The following TF variants were observed in gnomAD, a reference collection of about 807,000 sequenced individuals.
The protein encoded by TF is transferrin, also known as serotransferrin.
TF carries 55 observed loss-of-function variants against 82.4 expected under a neutral mutation model. The observed-to-expected ratio is 0.67, with a 90% CI of 0.54 to 0.84. The LOEUF (loss-of-function observed/expected upper bound fraction) is 0.84, where lower values mean the gene tolerates loss of function less well. Ranked by LOEUF, TF falls within the 40% of genes least tolerant of loss-of-function variation. TF has a pLI of 0.00. For missense variants in TF, 737 were observed against 868.4 expected, an observed-to-expected ratio of 0.85 and a Z score of 1.90; for synonymous variants, 332 against 332.6, an observed-to-expected ratio of 1.00 and a Z score of 0.02.
At chr3:133,746,618 C>T in intron 1 of TF, 135 bp downstream of exon 1, 1 of 958,274 alleles carries the variant, frequency 1.0e-6, no homozygotes, top group South Asian at 1.5e-5. Context: ...TTTCCATTGC[C>T]TCTCTACGCC....
the TF span, among the ~76,000 whole-genome samples, chr3:133,714,448 A>G: frequency 6.6e-6 from 1 of 152,134 alleles, no homozygotes; most frequent in Non-Finnish European, 1.5e-5. Context: ...TAAGCCATGC[A>G]TAAATTACAT....
intron 14 of TF, chr3:133,770,865 A>G: frequency 2.1e-6 from 1 of 486,666 alleles, no homozygotes; most frequent in Non-Finnish European, 3.7e-6. Flanking sequence ...GAATAAGACA[A>G]TCTCTTGCAT....
the TF span, among the ~76,000 whole-genome samples, chr3:133,673,713 CTTTG>C: frequency 0.14 from 20,874 of 152,006 alleles, 1,732 homozygotes; most frequent in Non-Finnish European, 0.2. Flanking sequence ...GTTGTGCCAG[CTTTG>C]TTTGTTAACG....
chr3:133,733,307 A>G, the TF span, among the ~76,000 whole-genome samples: 5 of 152,172 alleles, frequency 3.3e-5, no homozygotes, highest in African/African-American at 4.8e-5. Context: ...GCTGTGACAC[A>G]GGCTGCCTAT....
At chr3:133,772,062 CT>C (rs1040856012) in intron 14 of TF, among the ~76,000 whole-genome samples, 12 of 152,162 alleles carry the variant, frequency 7.9e-5, no homozygotes, top group African/African-American at 2.9e-4. Flanking sequence ...TACAAGAAGA[CT>C]CCTCTGTTCA....
At chr3:133,753,810 C>T in intron 3 of TF, 107 bp downstream of exon 3, 2 of 913,876 alleles carry the variant, frequency 2.2e-6, no homozygotes, top group Non-Finnish European at 3.6e-6. Flanking sequence ...GAACATTCAT[C>T]TTTGGAGAGT....
chr3:133,699,241 T>C, the TF span, among the ~76,000 whole-genome samples: 2 of 152,234 alleles, frequency 1.3e-5, no homozygotes, highest in Non-Finnish European at 2.9e-5. Context: ...TGCCCAGCCC[T>C]GTGTCTACCT....
intron 14 of TF, chr3:133,774,575 A>G (rs1024051065): frequency 6.6e-6 from 1 of 152,668 alleles, no homozygotes; most frequent in Non-Finnish European, 1.5e-5. Context: ...ACATATAATG[A>G]GCCGTGGATG....
the TF span, among the ~76,000 whole-genome samples, chr3:133,680,879 C>A: frequency 6.6e-6 from 1 of 152,114 alleles, no homozygotes; most frequent in Non-Finnish European, 1.5e-5. Flanking sequence ...TTATTTAATT[C>A]CCTGACAGTT....
chr3:133,662,436 C>G, the TF span: 1 of 152,274 alleles, frequency 6.6e-6, no homozygotes, highest in Non-Finnish European at 1.5e-5. Flanking sequence ...CCCTCCAACA[C>G]AGCAGGAATA....
chr3:133,687,241 T>C, the TF span, among the ~76,000 whole-genome samples: 2 of 152,182 alleles, frequency 1.3e-5, no homozygotes, highest in South Asian at 2.1e-4. Flanking sequence ...ATATACCTAA[T>C]GTAAATGATG....
intron 6 of TF, 134 bp from the exon 7 acceptor site, chr3:133,756,697 C>T (rs1251460757): frequency 1.9e-5 from 21 of 1,123,778 alleles, no homozygotes; most frequent in Admixed American, 1.1e-4. Flanking sequence ...GTCATTCTCC[C>T]GCATGTTCTC....
rs894892572 is a variant in TF, at chr3:133,787,230, C to T, written c.*8610C>T. On this transcript the variant is annotated 3_prime_UTR_variant, in exon 17 of 17. Transcript: ENST00000402696. ...GACAAAGTATCTAGTAAAATTAGCA[C>T]ATTTTGCACACTTTGTATTGAAATT... 1 of 152,126 alleles carries T rather than the reference C, an allele frequency of 6.6e-6. No homozygotes were observed. Among genetic ancestry groups the T allele is most frequent in the Non-Finnish European group, 1.5e-5 (1 of 68,024 alleles). 9.4% of individuals were successfully genotyped at this position (152,126 alleles called of 1,614,324 possible).
chr3:133,748,749 A>C, intron 2 of TF, 165 bp downstream of exon 2: 1 of 905,028 alleles, frequency 1.1e-6, no homozygotes, highest in Non-Finnish European at 1.8e-6. Context: ...GTTTTCTTTA[A>C]TGTGTCTGGA....
In TF at chr3:133,795,638, C is replaced by T. The variant is rs1354630497; in HGVS notation, c.*17018C>T. 1.4e-5 allele frequency: 2 copies of T among 142,668 alleles called. No individual in the cohort carries two copies. Among genetic ancestry groups the T allele is most frequent in the Non-Finnish European group, 3.0e-5 (2 of 66,578 alleles). 8.8% of individuals were successfully genotyped at this position (142,668 alleles called of 1,614,324 possible). On this transcript the variant is annotated 3_prime_UTR_variant, in exon 17 of 17. Transcript: ENST00000402696. ...TCACCCGGGCTGGAGTGCAGTGGCACGATCTCGGCTCACTGCAAGCTCCAC... is the reference window on the plus strand; with the variant it reads ...TCACCCGGGCTGGAGTGCAGTGGCATGATCTCGGCTCACTGCAAGCTCCAC...
intron 2 of TF, among the ~76,000 whole-genome samples, chr3:133,749,856 C>T (rs1028022327): frequency 1.3e-5 from 2 of 152,022 alleles, no homozygotes; most frequent in African/African-American, 4.8e-5. Context: ...GTGATGTGAG[C>T]ATTTTAAAGG....
chr3:133,776,115 C>T (rs8177305), intron 15 of TF, among the ~76,000 whole-genome samples: 1,872 of 152,306 alleles, frequency 0.012, 32 homozygotes, highest in African/African-American at 0.043. Flanking sequence ...TAACCTTGTT[C>T]AGGGGTACCC....
chr3:133,738,563 C>T, the TF span, among the ~76,000 whole-genome samples: 272 of 142,754 alleles, frequency 1.9e-3, no homozygotes, highest in African/African-American at 6.8e-3. Context: ...TTCCGAAAAC[C>T]CCATCGTCTC....
At chr3:133,702,839 C>T in the TF span, among the ~76,000 whole-genome samples, 24 of 152,128 alleles carry the variant, frequency 1.6e-4, no homozygotes, top group Non-Finnish European at 3.4e-4. Flanking sequence ...ACCTTCCTAG[C>T]ACCAATTCCT....
Sources: allele counts gnomAD v4.1 joint callset (sites outside exome capture counted in the v4.1 genomes callset), GRCh38; gene constraint gnomAD v4.1.1; transcripts MANE v1.5; gene names NCBI Gene and HGNC (gene_info 2026-07-23, HGNC 2026-07-21).